Variants in ACCSL observed in about 807,000 individuals in gnomAD.
ACCSL encodes probable inactive 1-aminocyclopropane-1-carboxylate synthase-like protein 2.
A neutral mutation model predicts 61.7 loss-of-function variants in ACCSL; 55 were observed. The ratio of observed to expected loss-of-function variants is 0.89; its 90% CI spans 0.72 to 1.12. The LOEUF (loss-of-function observed/expected upper bound fraction) is 1.12. Ranked by LOEUF, ACCSL falls within the 50% of genes most tolerant of loss-of-function variation. ACCSL has a pLI of 0.00. For missense variants in ACCSL, 632 were observed against 698.0 expected (o/e 0.91, Z 1.07); for synonymous variants, 258 against 264.3 (o/e 0.98, Z 0.23).
At chr11:43,975,029 A>G in the ACCSL span, among the ~76,000 whole-genome samples, 56 of 152,336 alleles carry the variant, frequency 3.7e-4, no homozygotes, top group Admixed American at 5.2e-4. Context: ...GTGGGGTGTT[A>G]TCATAAAAAC....
the ACCSL span, among the ~76,000 whole-genome samples, chr11:43,927,234 A>G: frequency 6.6e-6 from 1 of 152,128 alleles, no homozygotes; most frequent in Non-Finnish European, 1.5e-5. Flanking sequence ...ATACAGTTGT[A>G]TTGTTATTTA....
At chr11:44,057,534 T>A (rs1952678835) in intron 11 of ACCSL, among the ~76,000 whole-genome samples, 1 of 152,204 alleles carries the variant, frequency 6.6e-6, no homozygotes, top group African/African-American at 2.4e-5. Context: ...AAGATCCTGA[T>A]ATAGCCTGAG....
the ACCSL span, among the ~76,000 whole-genome samples, chr11:43,982,589 G>A: frequency 8.3e-4 from 127 of 152,164 alleles, 2 homozygotes; most frequent in Admixed American, 2.4e-3. Flanking sequence ...TGAACCGCCC[G>A]CATGGGGAGG....
chr11:44,005,416 G>T, the ACCSL span, among the ~76,000 whole-genome samples: 1 of 152,090 alleles, frequency 6.6e-6, no homozygotes, highest in African/African-American at 2.4e-5. Flanking sequence ...GAGGACAAAG[G>T]GGTTCCACTA....
Position 44,052,672 on chromosome 11 carries a change from G to T in ACCSL, c.783G>T (p.Leu261=), listed in dbSNP as rs200113453. The T allele has an allele frequency of 2.6e-5, 42 of 1,614,038 alleles. No homozygotes were observed. The Admixed American group carries it at 3.0e-4, about 12-fold the overall frequency. ...MVLCDPGEAF[L]VPAPFYGGFA... is the part of the protein sequence containing the mutation. ...TCTCTGTGTTTCCAGAGGCCTTCCTGGTCCCTGCTCCCTTCTATGGTGGCT... is the reference window on the plus strand; with the variant it reads ...TCTCTGTGTTTCCAGAGGCCTTCCTTGTCCCTGCTCCCTTCTATGGTGGCT... The change falls in exon 6 of 14, where the codon CTG becomes CTT. Residue 261 remains leucine, a synonymous_variant. Coordinates refer to ENST00000378832, the MANE Select transcript of ACCSL (RefSeq NM_001031854.2).
the ACCSL span, among the ~76,000 whole-genome samples, chr11:43,926,711 T>G: frequency 6.6e-6 from 1 of 152,250 alleles, no homozygotes. Context: ...AGAAAGCGTT[T>G]GTAACTTCAC....
At chr11:43,962,631 C>T in the ACCSL span, among the ~76,000 whole-genome samples, 1 of 152,184 alleles carries the variant, frequency 6.6e-6, no homozygotes, top group African/African-American at 2.4e-5. Context: ...TCTTTTACGC[C>T]TATTATTCAA....
chr11:43,951,742 G>A, the ACCSL span, among the ~76,000 whole-genome samples: 1 of 152,204 alleles, frequency 6.6e-6, no homozygotes, highest in Non-Finnish European at 1.5e-5. Flanking sequence ...AGTAGCTCCC[G>A]CTTGTAATCC....
chr11:44,052,307 C>A (rs57382925), intron 5 of ACCSL, among the ~76,000 whole-genome samples: 16 of 152,338 alleles, frequency 1.1e-4, no homozygotes, highest in African/African-American at 3.8e-4. Flanking sequence ...TGTGCATGGA[C>A]CTTGACCTCT....
the ACCSL span, among the ~76,000 whole-genome samples, chr11:43,922,811 T>C: frequency 6.6e-6 from 1 of 152,292 alleles, no homozygotes; most frequent in South Asian, 2.1e-4. Flanking sequence ...TTTTTCACAA[T>C]ACTTACCAAC....
At chr11:43,948,060 A>C in the ACCSL span, among the ~76,000 whole-genome samples, 3 of 152,318 alleles carry the variant, frequency 2.0e-5, no homozygotes, top group South Asian at 6.2e-4. Flanking sequence ...ATAGGTGGCC[A>C]TCCCAGCTCT....
chr11:43,945,453 A>G, the ACCSL span: 5 of 152,166 alleles, frequency 3.3e-5, no homozygotes, highest in Non-Finnish European at 7.3e-5. Context: ...TCTACTCTTC[A>G]GGAGCTAGAT....
chr11:44,056,062 C>T lies in ACCSL; in HGVS notation c.1162C>T (p.His388Tyr). The T allele has an allele frequency of 1.2e-6, 2 of 1,614,250 alleles. No individual in the cohort carries two copies. The highest frequency in any genetic ancestry group is 1.7e-6 in the Non-Finnish European group (2 of 1,180,042). ...MKSLPDSNRT[H>Y]VIWGTSKDFG... ...CAGTTTGCCTGATAGCAACAGGACC[C>T]ATGTGATCTGGGGTACCAGTAAGGT... is the stretch of plus-strand genomic sequence containing the variant. The change falls in exon 10 of 14, where the codon CAT becomes TAT. Residue 388 changes from histidine to tyrosine, a missense_variant. By Grantham distance (83) the His-to-Tyr change is moderately conservative. Transcript: ENST00000378832.
chr11:44,035,638 A>G, the ACCSL span, among the ~76,000 whole-genome samples: 1 of 152,130 alleles, frequency 6.6e-6, no homozygotes, highest in African/African-American at 2.4e-5. Context: ...CATTAGAACC[A>G]TAAAGAATAG....
chr11:43,935,578 G>C, the ACCSL span, among the ~76,000 whole-genome samples: 1 of 152,266 alleles, frequency 6.6e-6, no homozygotes, highest in Admixed American at 6.5e-5. Flanking sequence ...AATGAGGTGG[G>C]ATGTGCACGT....
At chr11:43,985,187 G>A in the ACCSL span, among the ~76,000 whole-genome samples, 1 of 152,292 alleles carries the variant, frequency 6.6e-6, no homozygotes, top group East Asian at 1.9e-4. Flanking sequence ...AGCATTGGAC[G>A]CTGCCTCCGC....
the ACCSL span, among the ~76,000 whole-genome samples, chr11:43,992,242 C>A: frequency 6.6e-6 from 1 of 151,740 alleles, no homozygotes; most frequent in Admixed American, 6.6e-5. Context: ...TTTGTTGAGA[C>A]CGGGTTTTGC....
At chr11:43,977,141 C>T in the ACCSL span, among the ~76,000 whole-genome samples, 13 of 152,168 alleles carry the variant, frequency 8.5e-5, no homozygotes, top group Admixed American at 6.5e-4. Context: ...AAGGTGGAAA[C>T]CAGACCCTGG....
At chr11:44,049,684 G>A (rs939396811) in intron 1 of ACCSL, among the ~76,000 whole-genome samples, 3 of 152,188 alleles carry the variant, frequency 2.0e-5, no homozygotes, top group African/African-American at 4.8e-5. Context: ...GGTAGGTAGA[G>A]TTCTACTTTT....
Sources: gnomAD v4.1 joint callset for allele counts (sites outside exome capture counted in the v4.1 genomes callset) on GRCh38, gnomAD v4.1.1 for gene constraint, MANE v1.5 for transcripts, NCBI Gene and HGNC (gene_info 2026-07-23, HGNC 2026-07-21) for gene names.